Variants in AKAP11 observed in about 807,000 individuals in gnomAD.
AKAP11 encodes A-kinase anchoring protein 11.
AKAP11 carries 36 observed loss-of-function variants against 146.1 expected under a neutral mutation model. The ratio of observed to expected loss-of-function variants is 0.25; its 90% confidence interval spans 0.19 to 0.33. The LOEUF (loss-of-function observed/expected upper bound fraction) is 0.33, where lower values mean the gene tolerates loss of function less well. AKAP11 is among the 10% of genes least tolerant of loss of function. AKAP11 has a pLI of 1.00. For synonymous variants in AKAP11, 780 were observed against 786.5 expected, an observed-to-expected ratio of 0.99 and a Z score of 0.14; for missense variants, 2,201 against 2,197.0, an observed-to-expected ratio of 1.00 and a Z score of -0.04.
chr13:42,286,604 C>T (rs2138479265), intron 3 of AKAP11, among the ~76,000 whole-genome samples: 1 of 152,226 alleles, frequency 6.6e-6, no homozygotes, highest in South Asian at 2.1e-4. Flanking sequence ...GATCACAGTG[C>T]TTTCTCCCCA....
rs201241702 is a variant in AKAP11 at position 42,302,328 on chromosome 13, G to T, written c.3582G>T (p.Lys1194Asn). Residue 1194 changes from lysine to asparagine, a missense_variant, in exon 8 of 13, where the codon AAG (lysine) becomes AAT (asparagine). Coordinates refer to ENST00000025301, the MANE Select transcript of AKAP11 (RefSeq NM_016248.4). ...EVDVKSEHSGKKVQFAEALAT... is the reference protein window; with the variant it reads ...EVDVKSEHSGNKVQFAEALAT... Reference sequence around the variant, plus strand: ...ATGTGAAGTCGGAGCACTCAGGGAAGAAGGTTCAGTTTGCAGAAGCATTAG... The same window carrying T: ...ATGTGAAGTCGGAGCACTCAGGGAATAAGGTTCAGTTTGCAGAAGCATTAG... 27 of 1,614,086 alleles carry T rather than the reference G, an allele frequency of 1.7e-5. No individual in the cohort carries two copies. The highest frequency in any genetic ancestry group is 1.9e-5 in the Non-Finnish European group (23 of 1,180,046).
At chr13:42,293,836 A>G (rs907488738) in intron 4 of AKAP11, among the ~76,000 whole-genome samples, 1 of 152,202 alleles carries the variant, frequency 6.6e-6, no homozygotes, top group Non-Finnish European at 1.5e-5. Flanking sequence ...TTTCTATTCC[A>G]TTTTAGGGTG....
upstream of AKAP11, among the ~76,000 whole-genome samples, chr13:42,271,591 G>T (rs1274842745): frequency 6.6e-6 from 1 of 152,232 alleles, no homozygotes; most frequent in East Asian, 1.9e-4. Flanking sequence ...TAGCCTTGTG[G>T]CGAAGAAGGA....
intron 2 of AKAP11, 81 bp from the exon 3 acceptor site, chr13:42,286,219 T>A (rs1368026674): frequency 1.2e-5 from 6 of 519,872 alleles, no homozygotes; most frequent in African/African-American, 2.0e-5. Flanking sequence ...ATGACTGAGT[T>A]AAAATAAATT....
In AKAP11 at chr13:42,303,284, C is replaced by T. The variant is rs758067152; in HGVS notation, c.4538C>T (p.Pro1513Leu). The T allele has an allele frequency of 4.3e-6, 7 of 1,613,156 alleles. No individual in the cohort carries two copies. The African/African-American group carries it at 6.7e-5, about 15-fold the overall frequency. Residue 1513 changes from proline to leucine, a missense_variant, in exon 8 of 13, where the codon CCT (proline) becomes CTT (leucine). Pro to Leu is a moderately conservative substitution (Grantham distance 98, BLOSUM62 -3). Transcript: ENST00000025301. ...VTPELPKSLQ[P>L]SSQNHRFYHS... ...CCAGAATTGCCTAAGTCTCTTCAGC[C>T]TTCCTCACAAAATCACAGGTTTTAC...
chr13:42,273,401 C>T (rs1296276898), intron 1 of AKAP11, among the ~76,000 whole-genome samples: 5 of 150,662 alleles, frequency 3.3e-5, no homozygotes, highest in Non-Finnish European at 7.4e-5. Context: ...TCAAACGGTA[C>T]CCTGATTATT....
Position 42,302,766 on chromosome 13 carries a change from T to C in AKAP11, c.4020T>C (p.Ser1340=). 2.5e-6 allele frequency: 4 copies of C among 1,614,142 alleles called. No homozygotes were observed. The highest frequency in any genetic ancestry group is 2.2e-5 in the South Asian group (2 of 91,076). The stretch of plus-strand genomic sequence containing the variant: ...TGTATAAGTATCCCAGCTGTGAAAG[T>C]GTGACAGATGAATATGCAGGTCACC... ...GLMYKYPSCE[S]VTDEYAGHLI... The change falls in exon 8 of 13, where the codon AGT becomes AGC. Residue 1340 remains serine (S), a synonymous_variant. Coordinates refer to ENST00000025301, the MANE Select transcript of AKAP11 (RefSeq NM_016248.4).
At chr13:42,291,457 T>C (rs1959212815) in intron 3 of AKAP11, among the ~76,000 whole-genome samples, 1 of 152,158 alleles carries the variant, frequency 6.6e-6, no homozygotes, top group Non-Finnish European at 1.5e-5. Context: ...TTCGCTATGT[T>C]GGCCAGGCTG....
chr13:42,279,457 C>G (rs1483030963), intron 1 of AKAP11, among the ~76,000 whole-genome samples: 3 of 152,180 alleles, frequency 2.0e-5, no homozygotes, highest in Non-Finnish European at 4.4e-5. Flanking sequence ...GTTCACTGAG[C>G]TTTTCTTCTC....
At position 42,322,736 on chromosome 13, in the gene AKAP11, G is replaced by A. The variant is rs1274055131; in HGVS notation, c.*3508G>A. On this transcript the variant is annotated 3_prime_UTR_variant, in exon 13 of 13. Coordinates refer to ENST00000025301, the MANE Select transcript of AKAP11 (RefSeq NM_016248.4). The stretch of plus-strand genomic sequence containing the variant: ...ACTGTATTCCTGCTCTGAAGATGTG[G>A]ATACAGAATTAGTCACTCTTGTCAC... The A allele has an allele frequency of 6.6e-6, 1 of 152,408 alleles. No homozygotes were observed. Among genetic ancestry groups the A allele is most frequent in the Non-Finnish European group, 1.5e-5 (1 of 67,946 alleles). The allele number at this position is 152,408 out of a possible 1,614,324, so 9.4% of individuals were successfully genotyped here.
Position 42,300,921 on chromosome 13 carries a change from C to A in AKAP11, c.2175C>A (p.Ile725=). The A allele has an allele frequency of 6.2e-7, 1 of 1,614,114 alleles. No individual in the cohort carries two copies. Among genetic ancestry groups the A allele is most frequent in the Non-Finnish European group, 8.5e-7 (1 of 1,179,962 alleles). Residue 725 remains isoleucine, a synonymous_variant, in exon 8 of 13, where the codon ATC becomes ATA. Transcript: ENST00000025301. ...CAGTTAGTGTCTCTACGGATAATAT[C>A]AAGTATGTGAGTGCAGAAAGTGTAG... ...KAAVSVSTDN[I]KYVSAESVVP...
Position 42,303,394 on chromosome 13 carries a change from G to A in AKAP11, c.4648G>A (p.Asp1550Asn), listed in dbSNP as rs1044155989. The A allele has an allele frequency of 1.2e-6, 2 of 1,613,732 alleles. No individual in the cohort carries two copies. Among genetic ancestry groups the A allele is most frequent in the Non-Finnish European group, 1.7e-6 (2 of 1,180,032 alleles). The change falls in exon 8 of 13, where the codon GAC becomes AAC. Residue 1550 changes from aspartate (D) to asparagine (N), a missense_variant. Coordinates refer to ENST00000025301, the MANE Select transcript of AKAP11 (RefSeq NM_016248.4). ...ACAGTATGCCAAAAAAGTAGTGGAT[G>A]ACACTCTAGAGCTAACTCTAGGATC... is the stretch of plus-strand genomic sequence containing the variant. ...VEQYAKKVVD[D>N]TLELTLGSTV...
intron 10 of AKAP11, 33 bp from the exon 11 acceptor site, chr13:42,313,861 T>G: frequency 6.3e-7 from 1 of 1,598,320 alleles, no homozygotes; most frequent in Non-Finnish European, 8.5e-7. Context: ...ATTAAATTTT[T>G]TTTGTAACTG....
intron 1 of AKAP11, among the ~76,000 whole-genome samples, chr13:42,279,895 CCAGAA>C (rs997624974): frequency 3.9e-5 from 6 of 152,092 alleles, no homozygotes; most frequent in African/African-American, 9.7e-5. Flanking sequence ...TAGTGTGGGT[CCAGAA>C]CAGTTTTTAA....
chr13:42,284,609 A>AT (rs1959130956), intron 1 of AKAP11, among the ~76,000 whole-genome samples: 1 of 152,194 alleles, frequency 6.6e-6, no homozygotes, highest in Admixed American at 6.5e-5. Context: ...TTAGGTAAAT[A>AT]TTTAAGTCTT....
At chr13:42,294,411 C>A (rs964201223) in intron 4 of AKAP11, among the ~76,000 whole-genome samples, 13 of 150,450 alleles carry the variant, frequency 8.6e-5, no homozygotes, top group African/African-American at 3.2e-4. Context: ...TTTTTCTTTT[C>A]TTTTTTTTTG....
Position 42,301,191 on chromosome 13 carries a change from T to C in AKAP11, c.2445T>C (p.Asp815=). The stretch of plus-strand genomic sequence containing the variant: ...CTGATGATAGTAATTCAAATGGTGA[T>C]TCTGCCCAAGTGCATATTGCCACAA... ...LSSDDSNSNG[D]SAQVHIATKN... Residue 815 remains aspartate (D), a synonymous_variant, in exon 8 of 13, where the codon GAT becomes GAC. Transcript: ENST00000025301. 1 of 1,614,112 alleles carries C rather than the reference T, an allele frequency of 6.2e-7. No individual in the cohort carries two copies. Among genetic ancestry groups the C allele is most frequent in the Non-Finnish European group, 8.5e-7 (1 of 1,179,966 alleles).
rs1440039139 is a variant in AKAP11 at position 42,321,517 on chromosome 13, AAAG to A, written c.*2293_*2295del. On this transcript the variant is annotated 3_prime_UTR_variant, in exon 13 of 13. Transcript: ENST00000025301. Reference sequence around the variant, plus strand: ...ATATTAAATATTGGCAGATGTATGAAAAGAAGTGTGAGTTAAAAATATTGAATA... The same window carrying A: ...ATATTAAATATTGGCAGATGTATGAAAAGTGTGAGTTAAAAATATTGAATA... The A allele has an allele frequency of 6.6e-6, 1 of 152,330 alleles. No individual in the cohort carries two copies. The highest frequency in any genetic ancestry group is 2.4e-5 in the African/African-American group (1 of 41,476). The allele number at this position is 152,330 out of a possible 1,614,324, so 9.4% of individuals were successfully genotyped here.
chr13:42,279,257 G>GCACTCC (rs1959002445), intron 1 of AKAP11, among the ~76,000 whole-genome samples: 1 of 122,908 alleles, frequency 8.1e-6, no homozygotes. Flanking sequence ...GCACGCACGT[G>GCACTCC]CACACCCACA....
Sources: gnomAD v4.1 joint callset for allele counts (sites outside exome capture counted in the v4.1 genomes callset) on GRCh38, gnomAD v4.1.1 for gene constraint, MANE v1.5 for transcripts, NCBI Gene and HGNC (gene_info 2026-07-23, HGNC 2026-07-21) for gene names.